The following GRIN2A variants were observed in gnomAD, a reference collection of about 807,000 sequenced individuals.
The protein encoded by GRIN2A is glutamate receptor ionotropic, NMDA 2A.
Under a neutral mutation model 113.4 loss-of-function variants are expected in GRIN2A, and 22 were observed. That is an observed-to-expected ratio of 0.19 (90% CI 0.14 to 0.28). The LOEUF (loss-of-function observed/expected upper bound fraction) is 0.28, where lower values mean the gene tolerates loss of function less well. Ranked by LOEUF, GRIN2A falls within the 10% of genes least tolerant of loss-of-function variation. GRIN2A has a pLI of 1.00. For missense variants in GRIN2A, 1,502 were observed against 1,887.0 expected (o/e 0.80, Z 3.78); for synonymous variants, 827 against 738.4 (o/e 1.12, Z -1.94).
intron 2 of GRIN2A, among the ~76,000 whole-genome samples, chr16:9,988,308 T>TGTGA (rs1395076166): frequency 1.9e-4 from 28 of 150,726 alleles, no homozygotes; most frequent in African/African-American, 6.6e-4. Context: ...TGTGTGTGTG[T>TGTGA]GACACAGAAA....
chr16:10,029,512 T>G (rs759931677), intron 2 of GRIN2A, among the ~76,000 whole-genome samples: 15 of 151,960 alleles, frequency 9.9e-5, no homozygotes, highest in Non-Finnish European at 1.9e-4. Flanking sequence ...AGAAAAACAG[T>G]ATTTTAAAAA....
intron 4 of GRIN2A, among the ~76,000 whole-genome samples, chr16:9,857,454 T>G (rs1465422168): frequency 6.6e-6 from 1 of 152,230 alleles, no homozygotes; most frequent in East Asian, 1.9e-4. Context: ...CTAAAAAGTT[T>G]ATTCAAAAAC....
chr16:9,817,596 A>G (rs1342921587), intron 10 of GRIN2A, among the ~76,000 whole-genome samples: 1 of 152,224 alleles, frequency 6.6e-6, no homozygotes, highest in East Asian at 1.9e-4. Context: ...CAACCATTTC[A>G]CTTCTTAGAT....
At chr16:10,056,478 C>G (rs1851924037) in intron 2 of GRIN2A, among the ~76,000 whole-genome samples, 1 of 152,204 alleles carries the variant, frequency 6.6e-6, no homozygotes, top group African/African-American at 2.4e-5. Context: ...TCCATCTCTT[C>G]AACCCTCTAA....
In GRIN2A at chr16:10,023,747, G is replaced by A. The variant is rs537067245; in HGVS notation, c.415-85196C>T. The stretch of plus-strand genomic sequence containing the variant: ...ACCTACAAACAGAAATAATGTGAGA[G>A]GTCACAAGTCCACTCATTTGCACTG... On this transcript the variant is annotated intron_variant, in intron 2 of 12. Transcript: ENST00000330684. Among the ~76,000 whole-genome samples, 9 of 152,304 alleles carry A rather than the reference G, an allele frequency of 5.9e-5. No homozygotes were observed. The East Asian group carries it at 1.3e-3, about 23-fold the overall frequency.
At chr16:9,811,451 AGTTC>A (rs2141269991) in intron 10 of GRIN2A, among the ~76,000 whole-genome samples, 1 of 152,178 alleles carries the variant, frequency 6.6e-6, no homozygotes, top group East Asian at 1.9e-4. Context: ...TTCCCATGTG[AGTTC>A]AGCAAGCAAT....
intron 11 of GRIN2A, among the ~76,000 whole-genome samples, chr16:9,794,936 A>AGAG (rs1039014476): frequency 2.6e-5 from 4 of 151,964 alleles, no homozygotes; most frequent in African/African-American, 4.8e-5. Context: ...AGAAGGATGA[A>AGAG]GAGGAGGAGG....
chr16:9,818,340 A>G (rs1287683990), intron 10 of GRIN2A, among the ~76,000 whole-genome samples: 4 of 152,106 alleles, frequency 2.6e-5, no homozygotes, highest in African/African-American at 7.2e-5. Flanking sequence ...AAAAATTCCA[A>G]ATATTAAAAA....
In GRIN2A at chr16:9,754,542, C is replaced by T. The variant is rs1362281904; in HGVS notation, c.*8607G>A. 1 of 212,122 alleles carries T rather than the reference C, an allele frequency of 4.7e-6. No homozygotes were observed. Among genetic ancestry groups the T allele is most frequent in the African/African-American group, 2.3e-5 (1 of 44,138 alleles). The allele number at this position is 212,122 out of a possible 1,614,324, so 13.1% of individuals were successfully genotyped here. ...TTCAAACAAGATCACCTGGATTTGG[C>T]TCAAATTAGAGGCCTGAATCTTTTG... On this transcript the variant is annotated 3_prime_UTR_variant, in exon 13 of 13. Transcript: ENST00000330684.
chr16:9,927,827 T>C (rs2044498851), intron 3 of GRIN2A, among the ~76,000 whole-genome samples: 1 of 152,206 alleles, frequency 6.6e-6, no homozygotes, highest in African/African-American at 2.4e-5. Flanking sequence ...CTTCCTCTTA[T>C]TAATAGTGAT....
At chr16:10,012,446 C>G (rs566123214) in intron 2 of GRIN2A, among the ~76,000 whole-genome samples, 2 of 152,288 alleles carry the variant, frequency 1.3e-5, no homozygotes, top group South Asian at 4.1e-4. Context: ...CCCTTTAACT[C>G]AAGAATCACA....
At chr16:10,114,842 A>C (rs1393951568) in intron 2 of GRIN2A, among the ~76,000 whole-genome samples, 1 of 152,236 alleles carries the variant, frequency 6.6e-6, no homozygotes, top group Non-Finnish European at 1.5e-5. Flanking sequence ...CACGCCCCCG[A>C]TGTGCCAGGT....
chr16:9,884,503 C>T (rs1366014343), intron 4 of GRIN2A, among the ~76,000 whole-genome samples: 1 of 151,930 alleles, frequency 6.6e-6, no homozygotes, highest in Non-Finnish European at 1.5e-5. Context: ...GAGCCCAGAT[C>T]GTGCCACTGT....
At chr16:9,936,518 T>C (rs1180813624) in intron 3 of GRIN2A, among the ~76,000 whole-genome samples, 1 of 152,144 alleles carries the variant, frequency 6.6e-6, no homozygotes, top group African/African-American at 2.4e-5. Context: ...GTGGATTAAA[T>C]CAGTGAACAT....
chr16:10,037,350 G>A (rs1055291841), intron 2 of GRIN2A: 60 of 152,120 alleles, frequency 3.9e-4, no homozygotes, highest in Non-Finnish European at 1.2e-4. Context: ...GTTCTTTTGT[G>A]GAAACATGGT....
chr16:9,991,111 G>T (rs190361423), intron 2 of GRIN2A, among the ~76,000 whole-genome samples: 2 of 152,092 alleles, frequency 1.3e-5, no homozygotes, highest in Non-Finnish European at 2.9e-5. Context: ...CTAAGATGCC[G>T]ATGTCCTCAT....
intron 2 of GRIN2A, among the ~76,000 whole-genome samples, chr16:9,979,779 ATGGGAC>A (rs1221448102): frequency 8.3e-6 from 1 of 121,142 alleles, no homozygotes; most frequent in African/African-American, 3.0e-5. Flanking sequence ...ATAAGGGACT[ATGGGAC>A]TATATATATA....
intron 2 of GRIN2A, among the ~76,000 whole-genome samples, chr16:10,133,336 A>G (rs145141564): frequency 6.6e-6 from 1 of 152,232 alleles, no homozygotes; most frequent in Non-Finnish European, 1.5e-5. Context: ...GACCAGGCAC[A>G]GTGACTCATG....
intron 2 of GRIN2A, among the ~76,000 whole-genome samples, chr16:10,138,993 C>G (rs1206489181): frequency 6.6e-6 from 1 of 152,176 alleles, no homozygotes; most frequent in Non-Finnish European, 1.5e-5. Flanking sequence ...AACAAAAAGC[C>G]TTGCAATTAA....
Sources: allele counts gnomAD v4.1 joint callset (sites outside exome capture counted in the v4.1 genomes callset), GRCh38; gene constraint gnomAD v4.1.1; transcripts MANE v1.5; gene names NCBI Gene and HGNC (gene_info 2026-07-23, HGNC 2026-07-21).